Variants in CFAP299 observed in about 807,000 individuals in gnomAD.
The protein encoded by CFAP299 is cilia and flagella associated protein 299, also known as cilia- and flagella-associated protein 299.
Under a neutral mutation model 27.0 loss-of-function variants are expected in CFAP299, and 21 were observed. The ratio of observed to expected loss-of-function variants is 0.78; its 90% CI spans 0.55 to 1.12. The LOEUF (loss-of-function observed/expected upper bound fraction) is 1.12, where lower values mean the gene tolerates loss of function less well. CFAP299 is among the 50% of genes most tolerant of loss of function. The pLI is 0.00. For synonymous variants in CFAP299, 104 were observed against 98.1 expected (o/e 1.06, Z -0.36); for missense variants, 310 against 276.6 (o/e 1.12, Z -0.86).
At chr4:80,442,793 C>T (rs1039165338) in intron 2 of CFAP299, among the ~76,000 whole-genome samples, 13 of 151,758 alleles carry the variant, frequency 8.6e-5, no homozygotes, top group East Asian at 7.7e-4. Flanking sequence ...GACTAGTAGC[C>T]GGACAAACAA....
intron 3 of CFAP299, among the ~76,000 whole-genome samples, chr4:80,836,967 C>A (rs1395916626): frequency 6.6e-6 from 1 of 151,928 alleles, no homozygotes; most frequent in Non-Finnish European, 1.5e-5. Context: ...AAATATAATT[C>A]TAGGCTTTTG....
At chr4:80,350,886 A>G (rs1436014298) in intron 1 of CFAP299, among the ~76,000 whole-genome samples, 1 of 152,150 alleles carries the variant, frequency 6.6e-6, no homozygotes, top group African/African-American at 2.4e-5. Flanking sequence ...CCACCATGGC[A>G]CATGTATACC....
At chr4:80,697,120 G>A (rs932978923) in intron 3 of CFAP299, among the ~76,000 whole-genome samples, 2 of 152,056 alleles carry the variant, frequency 1.3e-5, no homozygotes, top group African/African-American at 4.8e-5. Context: ...AAGGCAGGAG[G>A]ATTGCTTGAA....
chr4:80,580,600 C>A (rs751423229), intron 2 of CFAP299, among the ~76,000 whole-genome samples: 1 of 151,948 alleles, frequency 6.6e-6, no homozygotes, highest in South Asian at 2.1e-4. Context: ...ACCAAGTTAA[C>A]AAATTTTCTG....
At chr4:80,858,707 A>T (rs926471536) in intron 3 of CFAP299, among the ~76,000 whole-genome samples, 2 of 152,038 alleles carry the variant, frequency 1.3e-5, no homozygotes, top group African/African-American at 2.4e-5. Flanking sequence ...GTTTCCATAT[A>T]GTTGAGCGGT....
intron 4 of CFAP299, among the ~76,000 whole-genome samples, chr4:80,881,476 A>C (rs1733702973): frequency 6.6e-6 from 1 of 152,182 alleles, no homozygotes; most frequent in African/African-American, 2.4e-5. Context: ...AAATTGGAAA[A>C]AGCACAGAAC....
chr4:80,353,376 A>G (rs368309185), intron 1 of CFAP299, among the ~76,000 whole-genome samples: 2 of 152,258 alleles, frequency 1.3e-5, no homozygotes, highest in East Asian at 1.9e-4. Context: ...TGGGAGTGCA[A>G]ATTCTGAGAG....
At chr4:80,676,135 T>G (rs1719439164) in intron 3 of CFAP299, among the ~76,000 whole-genome samples, 1 of 152,222 alleles carries the variant, frequency 6.6e-6, no homozygotes, top group Admixed American at 6.5e-5. Flanking sequence ...CACTGGGAGC[T>G]GCAGACCCAA....
rs5859743 is a variant in CFAP299, at chr4:80,950,253, AC to A, written c.606+5323del. Reference sequence around the variant, plus strand: ...TCTGCCACTCTTTATTCTTCCCTCCACCCCCCCCCTTTCTCATTTGATGTTT... The same window carrying A: ...TCTGCCACTCTTTATTCTTCCCTCCACCCCCCCCTTTCTCATTTGATGTTT... On this transcript the variant is annotated intron_variant, in intron 5 of 5. Coordinates refer to ENST00000358105, the MANE Select transcript of CFAP299 (RefSeq NM_152770.3). 3.1e-3 allele frequency among the ~76,000 whole-genome samples: 452 copies of A among 145,810 alleles called. 2 individuals carry two copies. The highest frequency in any genetic ancestry group is 0.01 in the Middle Eastern group (3 of 288).
intron 2 of CFAP299, among the ~76,000 whole-genome samples, chr4:80,425,265 T>C (rs1358388175): frequency 6.6e-6 from 1 of 152,168 alleles, no homozygotes; most frequent in Non-Finnish European, 1.5e-5. Flanking sequence ...CTCTTTCACA[T>C]GGTATTTTTT....
intron 5 of CFAP299, among the ~76,000 whole-genome samples, chr4:80,960,084 A>T (rs999578688): frequency 6.6e-6 from 1 of 151,604 alleles, no homozygotes. Flanking sequence ...AATTTTTGTT[A>T]TCTATCTAGG....
intron 2 of CFAP299, among the ~76,000 whole-genome samples, chr4:80,369,270 G>A (rs1013556318): frequency 5.3e-5 from 8 of 152,180 alleles, no homozygotes; most frequent in Admixed American, 6.5e-5. Flanking sequence ...TACTTCATGC[G>A]CACATGGAGC....
chr4:80,359,842 C>G (rs1723455071), intron 1 of CFAP299, among the ~76,000 whole-genome samples: 1 of 152,188 alleles, frequency 6.6e-6, no homozygotes, highest in Non-Finnish European at 1.5e-5. Context: ...CATCTCAGTC[C>G]TGTTCACAAC....
chr4:80,566,280 T>C (rs1002188759), intron 2 of CFAP299, among the ~76,000 whole-genome samples: 2 of 152,078 alleles, frequency 1.3e-5, no homozygotes, highest in African/African-American at 4.8e-5. Flanking sequence ...TTTCTAATAG[T>C]ATTTTTTTAA....
chr4:80,409,530 A>C lies in CFAP299; in HGVS notation c.242+46646A>C, dbSNP rs564946670. ...GTTAATCATTCTCAAATTAGAAAAA[A>C]ATGAATTTCTACATAGGTATCATGA... On this transcript the variant is annotated intron_variant, in intron 2 of 5. Coordinates refer to ENST00000358105, the MANE Select transcript of CFAP299 (RefSeq NM_152770.3). Among the ~76,000 whole-genome samples the C allele has an allele frequency of 2.6e-4, 40 of 152,356 alleles. 1 individual carries two copies. In the East Asian group the frequency reaches 5.0e-3, roughly 19 times the overall value.
chr4:80,552,694 G>T (rs978384268), intron 2 of CFAP299, among the ~76,000 whole-genome samples: 12 of 152,022 alleles, frequency 7.9e-5, no homozygotes, highest in African/African-American at 2.9e-4. Flanking sequence ...AGTAGTTTGG[G>T]GTTTCTTTTC....
intron 3 of CFAP299, among the ~76,000 whole-genome samples, chr4:80,678,211 C>T (rs952974661): frequency 3.3e-5 from 5 of 151,980 alleles, no homozygotes; most frequent in African/African-American, 1.2e-4. Flanking sequence ...CTGTCCTAAA[C>T]AAATATGTTA....
intron 4 of CFAP299, among the ~76,000 whole-genome samples, chr4:80,920,616 C>T (rs372929594): frequency 1.3e-4 from 20 of 152,232 alleles, no homozygotes; most frequent in Middle Eastern, 6.8e-3. Flanking sequence ...CTAAGACATG[C>T]TGCCTTTTAC....
chr4:80,837,843 C>G (rs1730651195), intron 3 of CFAP299, among the ~76,000 whole-genome samples: 2 of 152,092 alleles, frequency 1.3e-5, no homozygotes, highest in Non-Finnish European at 2.9e-5. Context: ...GAGGAATCAC[C>G]ATCCTGTCTT....
Sources: gnomAD v4.1 joint callset for allele counts (sites outside exome capture counted in the v4.1 genomes callset) on GRCh38, gnomAD v4.1.1 for gene constraint, MANE v1.5 for transcripts, NCBI Gene and HGNC (gene_info 2026-07-23, HGNC 2026-07-21) for gene names.